Variants in LNX2 observed in about 807,000 individuals in gnomAD.
The protein encoded by LNX2 is ligand of Numb protein X 2.
Under a neutral mutation model 66.2 loss-of-function variants are expected in LNX2, and 35 were observed. The observed-to-expected ratio is 0.53, with a 90% CI of 0.40 to 0.70. The LOEUF (loss-of-function observed/expected upper bound fraction) is 0.70, where lower values mean the gene tolerates loss of function less well. Ranked by LOEUF, LNX2 falls within the 30% of genes least tolerant of loss-of-function variation. The pLI is 0.00. For synonymous variants in LNX2, 337 were observed against 315.6 expected (o/e 1.07, Z -0.72); for missense variants, 791 against 850.8 (o/e 0.93, Z 0.87).
At chr13:27,583,255 T>TGTGTGTGTGCGCGCGCGCGC (rs1555268514) in intron 1 of LNX2, among the ~76,000 whole-genome samples, 1 of 58,530 alleles carries the variant, frequency 1.7e-5, no homozygotes, top group Non-Finnish European at 3.2e-5. Context: ...TGTGTGTGTG[T>TGTGTGTGTGCGCGCGCGCGC]GCGCGCGTCC....
chr13:27,573,653 C>G (rs1192286337), intron 2 of LNX2, among the ~76,000 whole-genome samples: 4 of 151,960 alleles, frequency 2.6e-5, no homozygotes, highest in Admixed American at 2.6e-4. Flanking sequence ...GCACACAGAA[C>G]CCCCATGGAA....
intron 1 of LNX2, among the ~76,000 whole-genome samples, chr13:27,591,060 T>C (rs1200350221): frequency 1.3e-5 from 2 of 151,960 alleles, no homozygotes; most frequent in Admixed American, 1.3e-4. Flanking sequence ...TAACTTTGGG[T>C]CAGACCTTGA....
chr13:27,609,583 G>A lies in LNX2; in HGVS notation c.-101+10792C>T, dbSNP rs1955752527. On this transcript the variant is annotated intron_variant, in intron 1 of 9. Coordinates refer to ENST00000316334, the MANE Select transcript of LNX2 (RefSeq NM_153371.4). ...CCAAACTGTAGAAAGAGAAAATATAGTCACTATCACATTTAGAAAGACTAA... is the reference window on the plus strand; with the variant it reads ...CCAAACTGTAGAAAGAGAAAATATAATCACTATCACATTTAGAAAGACTAA... Among the ~76,000 whole-genome samples, 3 of 152,162 alleles carry A rather than the reference G, an allele frequency of 2.0e-5. No individual in the cohort carries two copies. The South Asian group carries it at 6.2e-4, about 31-fold the overall frequency.
At chr13:27,598,050 G>T (rs1266761784) in intron 1 of LNX2, among the ~76,000 whole-genome samples, 1 of 152,048 alleles carries the variant, frequency 6.6e-6, no homozygotes, top group African/African-American at 2.4e-5. Context: ...TCCATTATCA[G>T]CAGGAGTTGC....
chr13:27,606,939 A>C (rs1955723472), intron 1 of LNX2, among the ~76,000 whole-genome samples: 1 of 152,250 alleles, frequency 6.6e-6, no homozygotes, highest in Admixed American at 6.5e-5. Context: ...TTTATGGAGC[A>C]CTAAAAATGA....
At chr13:27,617,736 T>G (rs998821253) in intron 1 of LNX2, among the ~76,000 whole-genome samples, 1 of 152,238 alleles carries the variant, frequency 6.6e-6, no homozygotes, top group African/African-American at 2.4e-5. Flanking sequence ...CTAGCTCCTG[T>G]GAGACACAAC....
rs947095531 is a variant in LNX2, at chr13:27,556,238, C to G, written c.1544G>C (p.Arg515Thr). The G allele has an allele frequency of 6.2e-7, 1 of 1,612,910 alleles. No homozygotes were observed. The highest frequency in any genetic ancestry group is 1.7e-5 in the Admixed American group (1 of 59,640). Reference protein sequence around the residue: ...GCLARDGRIKRGDVLLNINGI... With the variant: ...GCLARDGRIKTGDVLLNINGI... Reference sequence around the variant, plus strand: ...AATTTTTCAAGATCCCATCTTACCTCTCTTTATTCTGCCATCTCGTGCAAG... The same window carrying G: ...AATTTTTCAAGATCCCATCTTACCTGTCTTTATTCTGCCATCTCGTGCAAG... Residue 515 changes from arginine to threonine, a missense_variant and splice_region_variant, in exon 7 of 10, where the codon AGA becomes ACA. Physicochemically the swap from Arg to Thr is moderately conservative, Grantham distance 71 (BLOSUM62 -1). Coordinates refer to ENST00000316334, the MANE Select transcript of LNX2 (RefSeq NM_153371.4).
intron 1 of LNX2, among the ~76,000 whole-genome samples, chr13:27,583,222 G>GCGCGTCCTCTCCTATATAAC (rs766530442): frequency 4.7e-5 from 1 of 21,460 alleles, no homozygotes; most frequent in African/African-American, 4.7e-4. Flanking sequence ...GTGTGTGTGT[G>GCGCGTCCTCTCCTATATAAC]TGTGTGTGTG....
chr13:27,572,575 T>G (rs767644190), intron 2 of LNX2, among the ~76,000 whole-genome samples: 1 of 152,194 alleles, frequency 6.6e-6, no homozygotes, highest in Non-Finnish European at 1.5e-5. Context: ...AAGACCCAAA[T>G]AGGGATTTTT....
intron 8 of LNX2, among the ~76,000 whole-genome samples, chr13:27,551,865 G>A (rs921711678): frequency 3.9e-5 from 6 of 152,160 alleles, no homozygotes; most frequent in East Asian, 1.9e-4. Flanking sequence ...CCAGCAAATC[G>A]CAGTGGAAGA....
chr13:27,591,011 T>TAC (rs1041957303), intron 1 of LNX2, among the ~76,000 whole-genome samples: 1 of 152,022 alleles, frequency 6.6e-6, no homozygotes, highest in African/African-American at 2.4e-5. Context: ...TATGTGTGTG[T>TAC]ACACACACAC....
chr13:27,581,480 C>T lies in LNX2; in HGVS notation c.224G>A (p.Arg75Lys), dbSNP rs1156429662. The change falls in exon 2 of 10, where the codon AGA becomes AAA. Residue 75 changes from arginine (R) to lysine (K), a missense_variant. Arg to Lys is a conservative substitution (Grantham distance 26). Transcript: ENST00000316334. ...GAAATCTTTCTCTTGTAAAAAGTTT[C>T]TGAGGCACTTGTAGCAGAATGTATG... ...CGHTFCYKCL[R>K]NFLQEKDFCP... 8 of 1,611,186 alleles carry T rather than the reference C, an allele frequency of 5.0e-6. No homozygotes were observed. The highest frequency in any genetic ancestry group is 5.9e-6 in the Non-Finnish European group (7 of 1,178,102).
intron 1 of LNX2, among the ~76,000 whole-genome samples, chr13:27,592,770 A>G (rs1955557666): frequency 6.6e-6 from 1 of 152,186 alleles, no homozygotes; most frequent in Non-Finnish European, 1.5e-5. Flanking sequence ...TTAAGAGAGA[A>G]TTGTACAGAG....
intron 1 of LNX2, among the ~76,000 whole-genome samples, chr13:27,595,067 C>G (rs1009505054): frequency 3.9e-5 from 6 of 152,218 alleles, no homozygotes; most frequent in African/African-American, 1.4e-4. Context: ...AGATCTGACT[C>G]TAGTTTCACT....
intron 1 of LNX2, among the ~76,000 whole-genome samples, chr13:27,601,736 G>A (rs1955660373): frequency 6.6e-6 from 1 of 151,974 alleles, no homozygotes; most frequent in Non-Finnish European, 1.5e-5. Flanking sequence ...ATCTAGGGTG[G>A]AGTGTAGTGC....
At chr13:27,620,542 A>C (rs958018099), upstream of LNX2, 1 of 171,896 alleles carries the variant, frequency 5.8e-6, no homozygotes, top group Non-Finnish European at 1.2e-5. Context: ...CAAAAAGCAA[A>C]CTCCGGCCAA....
At chr13:27,607,101 AT>A (rs1593264905) in intron 1 of LNX2, among the ~76,000 whole-genome samples, 1 of 152,348 alleles carries the variant, frequency 6.6e-6, no homozygotes, top group East Asian at 1.9e-4. Context: ...TTATTGCTAC[AT>A]TTAAGAATCT....
chr13:27,574,900 T>A (rs966561424), intron 2 of LNX2, among the ~76,000 whole-genome samples: 1 of 152,146 alleles, frequency 6.6e-6, no homozygotes, highest in African/African-American at 2.4e-5. Context: ...GGCAGTGGGA[T>A]GACATACTCA....
intron 5 of LNX2, among the ~76,000 whole-genome samples, chr13:27,561,781 T>C (rs1020821969): frequency 3.3e-5 from 5 of 152,218 alleles, no homozygotes; most frequent in Non-Finnish European, 7.3e-5. Flanking sequence ...GCTCATATCA[T>C]TAAATGCTAT....
Sources: gnomAD v4.1 joint callset for allele counts (sites outside exome capture counted in the v4.1 genomes callset) on GRCh38, gnomAD v4.1.1 for gene constraint, MANE v1.5 for transcripts, NCBI Gene and HGNC (gene_info 2026-07-23, HGNC 2026-07-21) for gene names.